ATP6V1H: variants seen among roughly 807,000 people sequenced by gnomAD.
ATP6V1H encodes ATPase H+ transporting V1 subunit H.
Under a neutral mutation model 71.7 loss-of-function variants are expected in ATP6V1H, and 39 were observed. The ratio of observed to expected loss-of-function variants is 0.54; its 90% CI spans 0.42 to 0.71. ATP6V1H has a LOEUF of 0.71. ATP6V1H is among the 30% of genes least tolerant of loss of function. ATP6V1H has a pLI of 0.00. For missense variants in ATP6V1H, 509 were observed against 594.9 expected, an observed-to-expected ratio of 0.86 and a Z score of 1.50; for synonymous variants, 192 against 199.3, an observed-to-expected ratio of 0.96 and a Z score of 0.31.
chr8:53,821,734 T>G (rs1810670406), intron 4 of ATP6V1H, among the ~76,000 whole-genome samples: 1 of 151,930 alleles, frequency 6.6e-6, no homozygotes, highest in Non-Finnish European at 1.5e-5. Context: ...TGAGGAGTAT[T>G]ATAAACCACC....
chr8:53,815,188 T>A (rs1419583960), intron 5 of ATP6V1H, among the ~76,000 whole-genome samples: 1 of 152,200 alleles, frequency 6.6e-6, no homozygotes, highest in Non-Finnish European at 1.5e-5. Flanking sequence ...TTGGGAGTTT[T>A]AATACTTAAA....
intron 10 of ATP6V1H, among the ~76,000 whole-genome samples, chr8:53,771,474 A>G (rs1808647132): frequency 6.6e-6 from 1 of 152,158 alleles, no homozygotes; most frequent in Admixed American, 6.5e-5. Flanking sequence ...AGCAAACACA[A>G]GAGACCCGAG....
chr8:53,838,984 G>A (rs1365876319), intron 2 of ATP6V1H, among the ~76,000 whole-genome samples: 1 of 152,092 alleles, frequency 6.6e-6, no homozygotes, highest in Non-Finnish European at 1.5e-5. Flanking sequence ...AGGCTCAACA[G>A]GCCCACAGTT....
At chr8:53,742,908 A>G (rs896066311) in intron 13 of ATP6V1H, among the ~76,000 whole-genome samples, 2 of 152,288 alleles carry the variant, frequency 1.3e-5, no homozygotes, top group Non-Finnish European at 2.9e-5. Context: ...ACTGTTTAGG[A>G]TACTGCTGAA....
At chr8:53,727,400 GT>G (rs1363858228) in intron 13 of ATP6V1H, among the ~76,000 whole-genome samples, 1 of 152,170 alleles carries the variant, frequency 6.6e-6, no homozygotes, top group East Asian at 1.9e-4. Context: ...GAGTTAAGCA[GT>G]TAAGGTCTTA....
At position 53,784,440 on chromosome 8, in the gene ATP6V1H, T is replaced by G. The variant is rs893062345; in HGVS notation, c.870+11207A>C. ...TTGAGCCTATGTGTGTCTCTGCACG[T>G]GAGATGGGTTTCCTGAATACAGCAC... On this transcript the variant is annotated intron_variant, in intron 9 of 13. Transcript: ENST00000359530. Among the ~76,000 whole-genome samples the G allele has an allele frequency of 1.0e-3, 155 of 152,290 alleles. 1 individual carries two copies. The highest frequency in any genetic ancestry group is 3.2e-3 in the African/African-American group (132 of 41,548).
chr8:53,741,274 T>C (rs899591592), intron 13 of ATP6V1H, among the ~76,000 whole-genome samples: 1 of 152,122 alleles, frequency 6.6e-6, no homozygotes, highest in African/African-American at 2.4e-5. Context: ...AACTAAAAAA[T>C]TTCCTCCACT....
chr8:53,795,023 C>G (rs1035621858), intron 9 of ATP6V1H, among the ~76,000 whole-genome samples: 6 of 152,104 alleles, frequency 3.9e-5, no homozygotes, highest in Non-Finnish European at 8.8e-5. Context: ...AAGTGACCAA[C>G]AAAATTATCA....
At chr8:53,762,283 A>AC (rs1161345100) in intron 11 of ATP6V1H, among the ~76,000 whole-genome samples, 1 of 152,244 alleles carries the variant, frequency 6.6e-6, no homozygotes, top group East Asian at 1.9e-4. Flanking sequence ...AATCACACAC[A>AC]AAGGAATAAA....
intron 12 of ATP6V1H, among the ~76,000 whole-genome samples, chr8:53,746,058 C>T (rs943541516): frequency 6.6e-6 from 1 of 152,194 alleles, no homozygotes; most frequent in East Asian, 1.9e-4. Flanking sequence ...ACAGCTCACA[C>T]ACCACTTACA....
intron 4 of ATP6V1H, among the ~76,000 whole-genome samples, chr8:53,821,566 A>AGCT (rs760073544): frequency 4.6e-5 from 7 of 152,042 alleles, no homozygotes; most frequent in Non-Finnish European, 1.0e-4. Flanking sequence ...CTGTAATACC[A>AGCT]GCTACTACTA....
At chr8:53,805,043 T>C (rs16919573) in intron 7 of ATP6V1H, among the ~76,000 whole-genome samples, 3 of 152,046 alleles carry the variant, frequency 2.0e-5, no homozygotes, top group Non-Finnish European at 2.9e-5. Flanking sequence ...AAAATAAGTA[T>C]GCAATAAACG....
intron 7 of ATP6V1H, among the ~76,000 whole-genome samples, chr8:53,803,158 G>A (rs1244063673): frequency 1.3e-5 from 2 of 152,130 alleles, no homozygotes; most frequent in African/African-American, 2.4e-5. Flanking sequence ...CCAACATGGC[G>A]AAACTCCATC....
At chr8:53,756,847 CAG>C (rs1808085405) in intron 11 of ATP6V1H, among the ~76,000 whole-genome samples, 191 bp from the exon 12 acceptor site, 1 of 152,200 alleles carries the variant, frequency 6.6e-6, no homozygotes, top group Non-Finnish European at 1.5e-5. Flanking sequence ...AAGTTTCTTT[CAG>C]ATTCACAATG....
chr8:53,803,956 G>A (rs1253927750), intron 7 of ATP6V1H, among the ~76,000 whole-genome samples: 1 of 152,064 alleles, frequency 6.6e-6, no homozygotes, highest in Non-Finnish European at 1.5e-5. Context: ...AAAATTCTTT[G>A]TTTCAGGGTA....
At chr8:53,770,352 G>A (rs1808610478) in intron 10 of ATP6V1H, among the ~76,000 whole-genome samples, 1 of 152,072 alleles carries the variant, frequency 6.6e-6, no homozygotes, top group South Asian at 2.1e-4. Flanking sequence ...ACCATTCACT[G>A]GATAGTAACT....
intron 12 of ATP6V1H, among the ~76,000 whole-genome samples, chr8:53,748,637 A>C (rs1807688949): frequency 6.6e-6 from 1 of 152,238 alleles, no homozygotes; most frequent in African/African-American, 2.4e-5. Context: ...GAAATGCAGG[A>C]GATAAAATAG....
intron 4 of ATP6V1H, among the ~76,000 whole-genome samples, chr8:53,828,607 T>C (rs1045817337): frequency 2.0e-5 from 3 of 152,210 alleles, no homozygotes; most frequent in African/African-American, 7.2e-5. Flanking sequence ...ACAGTCCTGA[T>C]ATTGATCCTT....
chr8:53,835,194 C>T (rs572098598), intron 2 of ATP6V1H, among the ~76,000 whole-genome samples: 2 of 152,168 alleles, frequency 1.3e-5, no homozygotes, highest in African/African-American at 4.8e-5. Context: ...ACTTTCAGAG[C>T]TGCCTCGGGT....
Sources: allele counts gnomAD v4.1 joint callset (sites outside exome capture counted in the v4.1 genomes callset), GRCh38; gene constraint gnomAD v4.1.1; transcripts MANE v1.5; gene names NCBI Gene and HGNC (gene_info 2026-07-23, HGNC 2026-07-21).